The following QTMAN variants were observed in gnomAD, a reference collection of about 807,000 sequenced individuals.
The protein encoded by QTMAN is tRNA-queuosine alpha-mannosyltransferase.
the QTMAN span, among the ~76,000 whole-genome samples, chr2:143,998,678 G>A: frequency 3.9e-5 from 6 of 151,944 alleles, no homozygotes; most frequent in African/African-American, 1.5e-4. Context: ...ATAATCTACA[G>A]GGATCTTCAC....
At chr2:144,250,995 T>C in the QTMAN span, among the ~76,000 whole-genome samples, 1 of 152,244 alleles carries the variant, frequency 6.6e-6, no homozygotes, top group African/African-American at 2.4e-5. Flanking sequence ...TTTTAAAAGT[T>C]AAAATTTTAT....
At chr2:143,943,562 T>A in the QTMAN span, 1 of 152,252 alleles carries the variant, frequency 6.6e-6, no homozygotes, top group Non-Finnish European at 1.5e-5. Context: ...GGGTAGCAGA[T>A]GCTTTCTCAA....
chr2:144,188,660 A>G, the QTMAN span, among the ~76,000 whole-genome samples: 5 of 152,208 alleles, frequency 3.3e-5, no homozygotes, highest in East Asian at 3.8e-4. Context: ...AAAAATAATT[A>G]TATCTTGTCT....
chr2:144,202,796 G>A, the QTMAN span, among the ~76,000 whole-genome samples: 1 of 152,144 alleles, frequency 6.6e-6, no homozygotes, highest in Non-Finnish European at 1.5e-5. Context: ...TAGGAATAAT[G>A]TCTTGTATCC....
chr2:143,969,095 C>T, the QTMAN span, among the ~76,000 whole-genome samples: 1 of 152,210 alleles, frequency 6.6e-6, no homozygotes, highest in Non-Finnish European at 1.5e-5. Flanking sequence ...GTAGAATGTC[C>T]TGTTCTGTTT....
chr2:144,300,052 G>A, the QTMAN span, among the ~76,000 whole-genome samples: 1 of 152,170 alleles, frequency 6.6e-6, no homozygotes, highest in Admixed American at 6.5e-5. Context: ...ACTTATATGA[G>A]GTACCTAGAG....
the QTMAN span, among the ~76,000 whole-genome samples, chr2:144,049,350 G>T: frequency 3.9e-5 from 6 of 152,138 alleles, no homozygotes; most frequent in East Asian, 1.2e-3. Context: ...ACAATCGGAT[G>T]CCTGTCAATA....
the QTMAN span, among the ~76,000 whole-genome samples, chr2:144,326,833 T>G: frequency 6.6e-6 from 1 of 152,236 alleles, no homozygotes; most frequent in African/African-American, 2.4e-5. Flanking sequence ...ATGATCTAGA[T>G]GTAAAGACAG....
the QTMAN span, among the ~76,000 whole-genome samples, chr2:144,304,926 CAG>C: frequency 6.6e-6 from 1 of 152,144 alleles, no homozygotes. Context: ...AATTTCTATT[CAG>C]ATACTTTTCA....
chr2:144,149,583 C>G, the QTMAN span, among the ~76,000 whole-genome samples: 6 of 151,918 alleles, frequency 3.9e-5, 1 homozygote, highest in East Asian at 7.7e-4. Context: ...ACAGCTACAT[C>G]ATTAGCTTAC....
the QTMAN span, among the ~76,000 whole-genome samples, chr2:144,285,128 A>G: frequency 6.6e-6 from 1 of 151,984 alleles, no homozygotes; most frequent in Admixed American, 6.5e-5. Flanking sequence ...AACAAAGGAA[A>G]AAAAAAAGTT....
the QTMAN span, among the ~76,000 whole-genome samples, chr2:144,112,589 T>G: frequency 6.6e-6 from 1 of 152,190 alleles, no homozygotes; most frequent in Non-Finnish European, 1.5e-5. Context: ...ATCTAAACAC[T>G]TCTACTCTGC....
At chr2:144,037,782 G>A in the QTMAN span, among the ~76,000 whole-genome samples, 1 of 152,092 alleles carries the variant, frequency 6.6e-6, no homozygotes, top group African/African-American at 2.4e-5. Context: ...AAAAGAAAAC[G>A]GACTCTGGAA....
chr2:144,199,626 CTA>C, the QTMAN span, among the ~76,000 whole-genome samples: 1 of 152,140 alleles, frequency 6.6e-6, no homozygotes, highest in African/African-American at 2.4e-5. Flanking sequence ...CCAAAAATCT[CTA>C]GCTCTAAAAA....
chr2:144,056,137 C>G, the QTMAN span, among the ~76,000 whole-genome samples: 1 of 152,164 alleles, frequency 6.6e-6, no homozygotes, highest in Non-Finnish European at 1.5e-5. Flanking sequence ...TGTACTCTAG[C>G]TTTATGATGT....
chr2:144,037,753 A>T, the QTMAN span, among the ~76,000 whole-genome samples: 7 of 152,232 alleles, frequency 4.6e-5, no homozygotes, highest in Non-Finnish European at 1.0e-4. Flanking sequence ...CTTTAGATAC[A>T]TATAAATATG....
chr2:144,297,580 T>TC, the QTMAN span, among the ~76,000 whole-genome samples: 1 of 144,280 alleles, frequency 6.9e-6, no homozygotes, highest in African/African-American at 2.6e-5. Flanking sequence ...ATTCCGTCTT[T>TC]TTTTTTTTTT....
chr2:144,159,864 G>A, the QTMAN span, among the ~76,000 whole-genome samples: 2 of 152,114 alleles, frequency 1.3e-5, no homozygotes, highest in East Asian at 1.9e-4. Context: ...ATATATTGTA[G>A]AGGACCTTGA....
chr2:144,133,428 A>T, the QTMAN span, among the ~76,000 whole-genome samples: 17 of 45,016 alleles, frequency 3.8e-4, 1 homozygote, highest in African/African-American at 2.5e-3. Flanking sequence ...TAATATATAT[A>T]ATATATAATA....
Sources: gnomAD v4.1 joint callset for allele counts (sites outside exome capture counted in the v4.1 genomes callset) on GRCh38, gnomAD v4.1.1 for gene constraint, MANE v1.5 for transcripts, NCBI Gene and HGNC (gene_info 2026-07-23, HGNC 2026-07-21) for gene names.